BCAS3: variants seen among roughly 807,000 people sequenced by gnomAD.
The protein encoded by BCAS3 is BCAS4/BCAS3 fusion.
BCAS3 carries 53 observed loss-of-function variants against 116.1 expected under a neutral mutation model. The observed-to-expected ratio is 0.46, with a 90% CI of 0.37 to 0.57. The LOEUF (loss-of-function observed/expected upper bound fraction) is 0.57, where lower values mean the gene tolerates loss of function less well. BCAS3 is among the 20% of genes least tolerant of loss of function. The probability of loss-of-function intolerance (pLI) is 0.00; values close to 1 mark genes in which losing one functional copy is unlikely to be tolerated. For missense variants in BCAS3, 917 were observed against 1,165.4 expected (o/e 0.79, Z 3.10); for synonymous variants, 391 against 408.2 (o/e 0.96, Z 0.51).
rs117216399 is a variant in BCAS3 at position 60,977,236 on chromosome 17, G to A, written c.1222-12735G>A. On this transcript the variant is annotated intron_variant, in intron 14 of 23. Transcript: ENST00000407086. ...TATGCATTGCACAGGCTGGAGTGCC[G>A]TGGCTCAATCATAGCTCACTGCAGC... 2.3e-3 allele frequency among the ~76,000 whole-genome samples: 344 copies of A among 152,246 alleles called. 5 individuals are homozygous for A. In the East Asian group the frequency reaches 0.059, roughly 26 times the overall value.
At position 61,360,656 on chromosome 17, in the gene BCAS3, C is replaced by T. The variant is rs542346764; in HGVS notation, c.2426-7671C>T. 1.3e-3 allele frequency among the ~76,000 whole-genome samples: 204 copies of T among 152,204 alleles called. 1 individual carries two copies. The highest frequency in any genetic ancestry group is 2.2e-3 in the Non-Finnish European group (147 of 68,038). ...GATCCCCTCTTTTCTCTTTTAAGGA[C>T]ACCAGTCATTGGATTTAGGACCCAC... On this transcript the variant is annotated intron_variant, in intron 22 of 23. Transcript: ENST00000407086.
chr17:60,823,946 C>T (rs1206343734), intron 7 of BCAS3, among the ~76,000 whole-genome samples: 1 of 152,026 alleles, frequency 6.6e-6, no homozygotes, highest in Non-Finnish European at 1.5e-5. Context: ...TTGAATGTCC[C>T]CCTGGAAGTG....
chr17:60,933,471 A>T (rs577490204), intron 13 of BCAS3, among the ~76,000 whole-genome samples: 5 of 152,334 alleles, frequency 3.3e-5, no homozygotes, highest in East Asian at 1.9e-4. Flanking sequence ...TTTTCCATCC[A>T]TTAATAAGAG....
rs542405198 is a variant in BCAS3 at position 61,318,784 on chromosome 17, A to T, written c.2426-49543A>T. ...CTGGCGTGTCTTTGAAGTTGGTCCC[A>T]TCATGTTAAATGTTAACTGTAATTT... On this transcript the variant is annotated intron_variant, in intron 22 of 23. Transcript: ENST00000407086. Among the ~76,000 whole-genome samples the T allele has an allele frequency of 2.6e-5, 4 of 152,308 alleles. No homozygotes were observed. In the East Asian group the frequency reaches 7.7e-4, roughly 29 times the overall value.
intron 6 of BCAS3, among the ~76,000 whole-genome samples, chr17:60,780,851 T>C (rs1422252481): frequency 6.6e-6 from 1 of 152,204 alleles, no homozygotes; most frequent in African/African-American, 2.4e-5. Flanking sequence ...TTTTGACATA[T>C]TTTCCTAAGT....
Position 61,392,325 on chromosome 17 carries a change from A to G in BCAS3, c.*200A>G. On this transcript the variant is annotated 3_prime_UTR_variant, in exon 24 of 24. Transcript: ENST00000407086. The surrounding 1 kb of genome is among the most constrained non-coding windows in gnomAD (Gnocchi z 6.4). Reference sequence around the variant, plus strand: ...CCTCAGCGCACTTGCCCTCTGCCACACCTGTCGGTGGAGGCTGTGGCCAGG... The same window carrying G: ...CCTCAGCGCACTTGCCCTCTGCCACGCCTGTCGGTGGAGGCTGTGGCCAGG... 1.7e-6 allele frequency: 1 copy of G among 585,598 alleles called. No individual in the cohort carries two copies. The highest frequency in any genetic ancestry group is 2.9e-6 in the Non-Finnish European group (1 of 343,912). The allele number at this position is 585,598 out of a possible 1,614,324, so 36.3% of individuals were successfully genotyped here. A position where few individuals can be genotyped will look rare whatever the true frequency, so the allele number is the denominator to read the frequency against.
chr17:60,707,017 G>A (rs2037240111), intron 4 of BCAS3, among the ~76,000 whole-genome samples: 1 of 151,668 alleles, frequency 6.6e-6, no homozygotes, highest in South Asian at 2.1e-4. Flanking sequence ...TTGAGACAGA[G>A]TTTTGCTCTT....
chr17:61,330,799 C>G (rs1289400425), intron 22 of BCAS3, among the ~76,000 whole-genome samples: 1 of 152,238 alleles, frequency 6.6e-6, no homozygotes, highest in East Asian at 1.9e-4. Context: ...TACTCCATAG[C>G]ATGACTGGGA....
chr17:60,817,741 A>T (rs1489673138), intron 7 of BCAS3, among the ~76,000 whole-genome samples: 1 of 152,224 alleles, frequency 6.6e-6, no homozygotes, highest in African/African-American at 2.4e-5. Flanking sequence ...CATTGTTTCC[A>T]AGACTGGATT....
intron 22 of BCAS3, among the ~76,000 whole-genome samples, chr17:61,210,694 A>G (rs1405235618): frequency 2.6e-5 from 4 of 152,160 alleles, no homozygotes; most frequent in Non-Finnish European, 5.9e-5. Context: ...GTAACTATTA[A>G]ATAGGATCAC....
At chr17:61,308,665 A>G (rs1391719961) in intron 22 of BCAS3, among the ~76,000 whole-genome samples, 1 of 151,952 alleles carries the variant, frequency 6.6e-6, no homozygotes, top group African/African-American at 2.4e-5. Context: ...GGAGACAACA[A>G]TTACATATTA....
Position 61,352,990 on chromosome 17 carries a change from G to A in BCAS3, c.2426-15337G>A, listed in dbSNP as rs950213030. The stretch of plus-strand genomic sequence containing the variant: ...ACACAAGGCTGGGACTGCAGGGAGA[G>A]GCCAAGGGACTGGCAGCTGAAGGCA... On this transcript the variant is annotated intron_variant, in intron 22 of 23. Transcript: ENST00000407086. The surrounding 1 kb of genome is among the most constrained non-coding windows in gnomAD (Gnocchi z 4.7). 1.3e-5 allele frequency among the ~76,000 whole-genome samples: 2 copies of A among 152,220 alleles called. No individual in the cohort carries two copies. Among genetic ancestry groups the A allele is most frequent in the African/African-American group, 4.8e-5 (2 of 41,472 alleles).
intron 22 of BCAS3, among the ~76,000 whole-genome samples, chr17:61,236,109 G>A (rs552920298): frequency 4.2e-4 from 64 of 152,118 alleles, no homozygotes; most frequent in South Asian, 1.7e-3. Flanking sequence ...TTTTATCTCC[G>A]CAGGACTCAG....
chr17:60,720,556 A>G (rs758500839), intron 5 of BCAS3, among the ~76,000 whole-genome samples: 1 of 152,240 alleles, frequency 6.6e-6, no homozygotes, highest in African/African-American at 2.4e-5. Flanking sequence ...CTGGATATCC[A>G]TGGATTCTGA....
At chr17:60,915,161 G>A (rs1278385243) in intron 12 of BCAS3, among the ~76,000 whole-genome samples, 1 of 152,062 alleles carries the variant, frequency 6.6e-6, no homozygotes, top group Non-Finnish European at 1.5e-5. Context: ...AGTTGCACAT[G>A]CCTTTCATCT....
At position 60,993,179 on chromosome 17, in the gene BCAS3, A is replaced by T. The variant is rs2063638011; in HGVS notation, c.1486+2944A>T. The stretch of plus-strand genomic sequence containing the variant: ...CCTCATAGATCTTGTATTCCACGGG[A>T]AAAGACAGATATTAAATGACTGTGA... On this transcript the variant is annotated intron_variant, in intron 15 of 23. Transcript: ENST00000407086. The surrounding 1 kb of genome is among the most constrained non-coding windows in gnomAD (Gnocchi z 4.2). Among the ~76,000 whole-genome samples the T allele has an allele frequency of 6.6e-6, 1 of 152,218 alleles. No individual in the cohort carries two copies. The highest frequency in any genetic ancestry group is 2.4e-5 in the African/African-American group (1 of 41,458).
chr17:61,036,168 G>T (rs2067013342), intron 17 of BCAS3: 1 of 152,188 alleles, frequency 6.6e-6, no homozygotes, highest in Non-Finnish European at 1.5e-5. Context: ...TGAATGTTAT[G>T]ATTTTCCCCT....
At chr17:61,231,395 T>C (rs2082671626) in intron 22 of BCAS3, among the ~76,000 whole-genome samples, 2 of 152,336 alleles carry the variant, frequency 1.3e-5, no homozygotes, top group Admixed American at 6.5e-5. Context: ...GTTTACTCTC[T>C]TGATAGTGTC....
At chr17:60,991,878 T>A (rs1771030422) in intron 15 of BCAS3, among the ~76,000 whole-genome samples, 1 of 152,152 alleles carries the variant, frequency 6.6e-6, no homozygotes, top group Non-Finnish European at 1.5e-5. Context: ...TATGACCTTT[T>A]GTTTCTGCCT....
Sources: gnomAD v4.1 joint callset for allele counts (sites outside exome capture counted in the v4.1 genomes callset) on GRCh38, gnomAD v4.1.1 for gene constraint, Gnocchi (gnomAD v3.1) non-coding constraint, MANE v1.5 for transcripts, NCBI Gene and HGNC (gene_info 2026-07-23, HGNC 2026-07-21) for gene names.